Variants in GRM7 observed in about 807,000 individuals in gnomAD.
GRM7 encodes the protein metabotropic glutamate receptor 7.
Under a neutral mutation model 84.5 loss-of-function variants are expected in GRM7, and 35 were observed. That is an observed-to-expected ratio of 0.41 (90% CI 0.32 to 0.55). The LOEUF is 0.55. Ranked by LOEUF, GRM7 falls within the 20% of genes least tolerant of loss-of-function variation. The pLI is 0.19. For missense variants in GRM7, 1,003 were observed against 1,194.6 expected, an observed-to-expected ratio of 0.84 and a Z score of 2.36; for synonymous variants, 487 against 455.1, an observed-to-expected ratio of 1.07 and a Z score of -0.89.
chr3:7,695,209 A>G (rs2125153914), intron 9 of GRM7, among the ~76,000 whole-genome samples: 1 of 152,318 alleles, frequency 6.6e-6, no homozygotes, highest in South Asian at 2.1e-4. Flanking sequence ...GTTGCAGACT[A>G]AATAAAGCTG....
chr3:7,456,937 A>G (rs897700953), intron 6 of GRM7, among the ~76,000 whole-genome samples: 2 of 152,104 alleles, frequency 1.3e-5, no homozygotes, highest in African/African-American at 4.8e-5. Flanking sequence ...GACATGTTTT[A>G]CTCATTCAAT....
At chr3:7,566,487 G>T (rs973267906) in intron 7 of GRM7, among the ~76,000 whole-genome samples, 1 of 152,020 alleles carries the variant, frequency 6.6e-6, no homozygotes, top group Non-Finnish European at 1.5e-5. Flanking sequence ...AAATGTATTT[G>T]ATAATTGGAA....
intron 1 of GRM7, among the ~76,000 whole-genome samples, chr3:6,889,173 G>T (rs573266799): frequency 2.0e-5 from 3 of 152,258 alleles, no homozygotes; most frequent in Admixed American, 6.5e-5. Flanking sequence ...CATGTCACCT[G>T]CAAACAGGGA....
At chr3:7,184,884 T>G (rs186624933) in intron 2 of GRM7, among the ~76,000 whole-genome samples, 1 of 152,128 alleles carries the variant, frequency 6.6e-6, no homozygotes, top group African/African-American at 2.4e-5. Flanking sequence ...CTCACCTAAT[T>G]GCCAGTAATA....
intron 8 of GRM7, among the ~76,000 whole-genome samples, chr3:7,671,258 G>A (rs1161010868): frequency 2.0e-5 from 3 of 152,024 alleles, no homozygotes; most frequent in African/African-American, 4.8e-5. Flanking sequence ...CCACCAAGAC[G>A]GTCTGCAGCT....
chr3:7,019,992 A>G (rs961056540), intron 1 of GRM7, among the ~76,000 whole-genome samples: 2 of 152,166 alleles, frequency 1.3e-5, no homozygotes, highest in Non-Finnish European at 2.9e-5. Context: ...TCATCAAGCT[A>G]CAGGCACATG....
intron 7 of GRM7, among the ~76,000 whole-genome samples, chr3:7,503,535 C>T (rs1699947395): frequency 6.6e-6 from 1 of 152,108 alleles, no homozygotes; most frequent in Admixed American, 6.6e-5. Context: ...GTGATTATTC[C>T]TTCTTTTCAA....
In GRM7 at chr3:7,520,849, G is replaced by C. The variant is rs552947207; in HGVS notation, c.1516-57573G>C. 3.3e-5 allele frequency among the ~76,000 whole-genome samples: 5 copies of C among 152,290 alleles called. No homozygotes were observed. The South Asian group carries it at 8.3e-4, about 25-fold the overall frequency. Reference sequence around the variant, plus strand: ...GCTTCTGTCAGCTCATACATAGTATGACACTTCATTGTGAAGGCAACTCTA... The same window carrying C: ...GCTTCTGTCAGCTCATACATAGTATCACACTTCATTGTGAAGGCAACTCTA... On this transcript the variant is annotated intron_variant, in intron 7 of 9. Coordinates refer to ENST00000357716, the MANE Select transcript of GRM7 (RefSeq NM_000844.4).
At chr3:7,461,781 T>A in intron 7 of GRM7, 59 bp downstream of exon 7, 1 of 1,494,356 alleles carries the variant, frequency 6.7e-7, no homozygotes, top group African/African-American at 1.4e-5. Context: ...ACTTTTAATT[T>A]GCTCAGTTAT....
intron 1 of GRM7, among the ~76,000 whole-genome samples, chr3:6,988,388 C>T (rs144569557): frequency 9.3e-4 from 142 of 151,984 alleles, no homozygotes; most frequent in African/African-American, 3.2e-3. Context: ...CTCAGGAGTT[C>T]CAGCAGATAC....
chr3:6,914,696 C>G (rs1172905811), intron 1 of GRM7, among the ~76,000 whole-genome samples: 1 of 152,054 alleles, frequency 6.6e-6, no homozygotes. Flanking sequence ...CCACCGTGCC[C>G]GGCCCTATTT....
At chr3:7,432,947 A>G (rs1048375586) in intron 5 of GRM7, among the ~76,000 whole-genome samples, 2 of 152,186 alleles carry the variant, frequency 1.3e-5, no homozygotes, top group Admixed American at 6.5e-5. Flanking sequence ...GAAAAGAAGG[A>G]ATTTATAAAC....
chr3:7,073,675 T>C lies in GRM7; in HGVS notation c.520-72777T>C, dbSNP rs1424280423. ...TACTGCTGATAGTTTATGCTAAAAA[T>C]TCTAGTTTTGAATTTTATTGGGACT... is the stretch of plus-strand genomic sequence containing the variant. On this transcript the variant is annotated intron_variant, in intron 1 of 9. Coordinates refer to ENST00000357716, the MANE Select transcript of GRM7 (RefSeq NM_000844.4). Among the ~76,000 whole-genome samples the C allele has an allele frequency of 2.0e-5, 3 of 152,274 alleles. No homozygotes were observed. The East Asian group carries it at 5.8e-4, about 29-fold the overall frequency.
chr3:7,312,266 G>A (rs1240123884), intron 4 of GRM7, among the ~76,000 whole-genome samples: 1 of 152,074 alleles, frequency 6.6e-6, no homozygotes. Flanking sequence ...CGGTGTCTTG[G>A]CAGCAATGCA....
At chr3:7,405,369 T>C (rs1191703773) in intron 4 of GRM7, among the ~76,000 whole-genome samples, 1 of 152,208 alleles carries the variant, frequency 6.6e-6, no homozygotes. Flanking sequence ...TGACACATAA[T>C]ACTTGTACAT....
intron 7 of GRM7, among the ~76,000 whole-genome samples, chr3:7,504,237 C>T (rs1699972050): frequency 6.6e-6 from 1 of 152,160 alleles, no homozygotes; most frequent in South Asian, 2.1e-4. Context: ...GACCAGGGCA[C>T]ATTAATAGGT....
chr3:6,876,278 A>AG (rs1433219107), intron 1 of GRM7, among the ~76,000 whole-genome samples: 22 of 152,068 alleles, frequency 1.4e-4, no homozygotes, highest in Non-Finnish European at 3.2e-4. Flanking sequence ...AAAAAAAAAA[A>AG]AAATTATTAT....
intron 1 of GRM7, among the ~76,000 whole-genome samples, chr3:7,102,726 T>A (rs1479926552): frequency 6.6e-6 from 1 of 151,832 alleles, no homozygotes; most frequent in Non-Finnish European, 1.5e-5. Context: ...ACTAAGGCTC[T>A]GCTCAGTCAT....
At chr3:7,053,140 A>T in intron 1 of GRM7, among the ~76,000 whole-genome samples, 1 of 147,018 alleles carries the variant, frequency 6.8e-6, no homozygotes, top group African/African-American at 2.5e-5. Context: ...TTTAATTTGC[A>T]TTTTTCTTAG....
Sources: allele counts gnomAD v4.1 joint callset (sites outside exome capture counted in the v4.1 genomes callset), GRCh38; gene constraint gnomAD v4.1.1; transcripts MANE v1.5; gene names NCBI Gene and HGNC (gene_info 2026-07-23, HGNC 2026-07-21).